The following ERC2 variants were observed in gnomAD, a reference collection of about 807,000 sequenced individuals.
ERC2 encodes the protein ELKS/RAB6-interacting/CAST family member 2, also known as ERC protein 2.
Under a neutral mutation model 114.8 loss-of-function variants are expected in ERC2, and 42 were observed. The ratio of observed to expected loss-of-function variants is 0.37; its 90% CI spans 0.29 to 0.47. The LOEUF (loss-of-function observed/expected upper bound fraction) is 0.47, where lower values mean the gene tolerates loss of function less well. Ranked by LOEUF, ERC2 falls within the 20% of genes least tolerant of loss-of-function variation. The pLI is 0.99. For synonymous variants in ERC2, 454 were observed against 425.5 expected (o/e 1.07, Z -0.82); for missense variants, 939 against 1,150.7 (o/e 0.82, Z 2.66).
chr3:56,017,617 T>C (rs1301049129), intron 8 of ERC2, among the ~76,000 whole-genome samples: 2 of 152,118 alleles, frequency 1.3e-5, no homozygotes, highest in Non-Finnish European at 2.9e-5. Context: ...ACTCACTTTC[T>C]TCAAGTGTTT....
intron 14 of ERC2, among the ~76,000 whole-genome samples, chr3:55,858,224 G>T (rs1366985584): frequency 6.6e-6 from 1 of 152,058 alleles, no homozygotes; most frequent in Non-Finnish European, 1.5e-5. Context: ...AATATGAGTT[G>T]GTTCCTATTA....
intron 16 of ERC2, among the ~76,000 whole-genome samples, chr3:55,696,892 T>C (rs1307470612): frequency 6.6e-6 from 1 of 152,138 alleles, no homozygotes; most frequent in South Asian, 2.1e-4. Flanking sequence ...ATTAAAAAAG[T>C]CTAGCAAAGG....
At chr3:55,900,091 G>C (rs753037502) in intron 13 of ERC2, among the ~76,000 whole-genome samples, 1 of 152,246 alleles carries the variant, frequency 6.6e-6, no homozygotes, top group South Asian at 2.1e-4. Context: ...GGTTCTGAGA[G>C]TCCCTTAGAT....
chr3:56,158,750 A>G (rs2081885813), intron 4 of ERC2, among the ~76,000 whole-genome samples: 1 of 152,082 alleles, frequency 6.6e-6, no homozygotes, highest in African/African-American at 2.4e-5. Context: ...AAAACCAAGA[A>G]TTTAAAAAAT....
chr3:56,159,297 A>C (rs558815197), intron 4 of ERC2, among the ~76,000 whole-genome samples: 1 of 152,270 alleles, frequency 6.6e-6, no homozygotes, highest in South Asian at 2.1e-4. Flanking sequence ...TTCATTATAG[A>C]AATGTGAGAA....
intron 17 of ERC2, among the ~76,000 whole-genome samples, chr3:55,521,686 C>G (rs1248632803): frequency 6.6e-6 from 1 of 152,208 alleles, no homozygotes; most frequent in Admixed American, 6.5e-5. Flanking sequence ...CTTGCCAGGA[C>G]CCCGTGGCCT....
chr3:56,277,119 A>G (rs2054056986), intron 3 of ERC2, among the ~76,000 whole-genome samples: 1 of 152,214 alleles, frequency 6.6e-6, no homozygotes, highest in South Asian at 2.1e-4. Flanking sequence ...GGTTCTCCAT[A>G]AAACAACTGA....
chr3:55,690,020 C>T (rs1294499096), intron 16 of ERC2, among the ~76,000 whole-genome samples: 1 of 152,114 alleles, frequency 6.6e-6, no homozygotes, highest in East Asian at 1.9e-4. Context: ...TACACTAAAG[C>T]TGAAGGCAAA....
At chr3:55,942,157 T>G (rs369778689) in intron 13 of ERC2, among the ~76,000 whole-genome samples, 1 of 150,690 alleles carries the variant, frequency 6.6e-6, no homozygotes, top group South Asian at 2.1e-4. Flanking sequence ...GTCTCCCCTC[T>G]GCCAATAACT....
chr3:56,062,731 G>C (rs1271195276), intron 7 of ERC2, among the ~76,000 whole-genome samples: 2 of 151,936 alleles, frequency 1.3e-5, no homozygotes, highest in Non-Finnish European at 2.9e-5. Context: ...CAGAATTGTT[G>C]ACCCTACCTA....
intron 2 of ERC2, among the ~76,000 whole-genome samples, chr3:56,340,006 A>G (rs1249539294): frequency 6.6e-6 from 1 of 152,188 alleles, no homozygotes; most frequent in Non-Finnish European, 1.5e-5. Context: ...ACCCCAAGAT[A>G]TTGATAAAAG....
At chr3:56,244,964 C>T (rs1254889661) in intron 3 of ERC2, among the ~76,000 whole-genome samples, 3 of 152,106 alleles carry the variant, frequency 2.0e-5, no homozygotes, top group Admixed American at 6.5e-5. Context: ...CATTGTGTTA[C>T]AGTTGCCTGC....
At chr3:55,792,509 C>T (rs2070122645) in intron 14 of ERC2, among the ~76,000 whole-genome samples, 2 of 152,154 alleles carry the variant, frequency 1.3e-5, no homozygotes, top group African/African-American at 4.8e-5. Context: ...AATCACCAGC[C>T]CCTGTGCTCA....
intron 14 of ERC2, among the ~76,000 whole-genome samples, chr3:55,836,480 C>A (rs1348507904): frequency 1.3e-5 from 2 of 152,098 alleles, no homozygotes; most frequent in African/African-American, 4.8e-5. Flanking sequence ...CTTTGACAAA[C>A]CTGAGAAAAA....
intron 12 of ERC2, among the ~76,000 whole-genome samples, chr3:55,975,609 T>C (rs2069520678): frequency 1.3e-5 from 2 of 152,232 alleles, no homozygotes; most frequent in African/African-American, 4.8e-5. Context: ...TGCTTCTAGC[T>C]TGGGCTACTG....
At chr3:56,035,989 A>G (rs1335541602) in intron 7 of ERC2, among the ~76,000 whole-genome samples, 1 of 152,224 alleles carries the variant, frequency 6.6e-6, no homozygotes, top group Non-Finnish European at 1.5e-5. Flanking sequence ...AGAACTCAAC[A>G]ACATATCAAA....
At chr3:56,232,463 T>C (rs752523145) in intron 3 of ERC2, among the ~76,000 whole-genome samples, 7 of 152,170 alleles carry the variant, frequency 4.6e-5, no homozygotes, top group Non-Finnish European at 7.3e-5. Flanking sequence ...CAATCTATAA[T>C]TTTCCTTCTT....
intron 3 of ERC2, among the ~76,000 whole-genome samples, chr3:56,288,061 G>C (rs1268035969): frequency 6.6e-6 from 1 of 152,062 alleles, no homozygotes; most frequent in Admixed American, 6.5e-5. Flanking sequence ...GTGTTTATAG[G>C]CTTTATATAC....
chr3:56,043,781 C>T (rs2075321512), intron 7 of ERC2, among the ~76,000 whole-genome samples: 1 of 152,054 alleles, frequency 6.6e-6, no homozygotes, highest in South Asian at 2.1e-4. Context: ...CTGTTTAATT[C>T]CTCATCTACA....
Sources: allele counts gnomAD v4.1 joint callset (sites outside exome capture counted in the v4.1 genomes callset), GRCh38; gene constraint gnomAD v4.1.1; transcripts MANE v1.5; gene names NCBI Gene and HGNC (gene_info 2026-07-23, HGNC 2026-07-21).